Variants in ZNF385B observed in about 807,000 individuals in gnomAD.
ZNF385B encodes the protein zinc finger protein 385B, also known as zinc finger protein 533.
A neutral mutation model predicts 39.2 loss-of-function variants in ZNF385B; 23 were observed. That is an observed-to-expected ratio of 0.59 (90% CI 0.42 to 0.83). The LOEUF is 0.83. Among genes scored for constraint, ZNF385B ranks in the 40% least tolerant of loss-of-function variants. The pLI is 0.00. For synonymous variants in ZNF385B, 205 were observed against 222.6 expected, an observed-to-expected ratio of 0.92 and a Z score of 0.70; for missense variants, 552 against 598.9, an observed-to-expected ratio of 0.92 and a Z score of 0.82.
intron 5 of ZNF385B, among the ~76,000 whole-genome samples, chr2:179,503,812 A>T (rs2056979027): frequency 7.0e-6 from 1 of 142,136 alleles, no homozygotes; most frequent in East Asian, 2.1e-4. Context: ...TGAACTCATC[A>T]TTTTTTATGG....
intron 5 of ZNF385B, among the ~76,000 whole-genome samples, chr2:179,484,871 C>A (rs1171603676): frequency 6.6e-6 from 1 of 152,028 alleles, no homozygotes; most frequent in Non-Finnish European, 1.5e-5. Flanking sequence ...GCAAAGAGTA[C>A]GTTTCTAGTT....
At chr2:179,472,543 A>G (rs1297304971) in intron 6 of ZNF385B, among the ~76,000 whole-genome samples, 1 of 152,236 alleles carries the variant, frequency 6.6e-6, no homozygotes, top group Admixed American at 6.5e-5. Context: ...AAGAACTTCT[A>G]GTGTTTGATA....
chr2:179,725,594 T>G (rs1559133603), intron 3 of ZNF385B, among the ~76,000 whole-genome samples: 1 of 151,500 alleles, frequency 6.6e-6, no homozygotes, highest in African/African-American at 2.4e-5. Flanking sequence ...GTATTCATAA[T>G]GTTCTGTATT....
At chr2:179,580,820 A>G (rs184662880) in intron 3 of ZNF385B, among the ~76,000 whole-genome samples, 2 of 152,320 alleles carry the variant, frequency 1.3e-5, no homozygotes, top group Non-Finnish European at 2.9e-5. Flanking sequence ...TATAGCTGGT[A>G]TCATGTTCAT....
At chr2:179,484,447 G>A (rs2054348205) in intron 5 of ZNF385B, among the ~76,000 whole-genome samples, 1 of 152,054 alleles carries the variant, frequency 6.6e-6, no homozygotes, top group Admixed American at 6.5e-5. Context: ...TGCAAAGCAA[G>A]ATGAACTTTT....
In ZNF385B at chr2:179,443,012, G is replaced by T. The variant is rs1040767653; in HGVS notation, c.*238C>A. Reference sequence around the variant, plus strand: ...ATACACAAATTGAACGCGGTAGGGTGGGGGAGGAAGTAGGGAGATAAAGCC... The same window carrying T: ...ATACACAAATTGAACGCGGTAGGGTTGGGGAGGAAGTAGGGAGATAAAGCC... On this transcript the variant is annotated 3_prime_UTR_variant, in exon 10 of 10. Transcript: ENST00000410066. 14 of 595,686 alleles carry T rather than the reference G, an allele frequency of 2.4e-5. No homozygotes were observed. Among genetic ancestry groups the T allele is most frequent in the African/African-American group, 1.3e-4 (7 of 53,908 alleles). The allele number at this position is 595,686 out of a possible 1,614,324, so 36.9% of individuals were successfully genotyped here. A position where few individuals can be genotyped will look rare whatever the true frequency, so the allele number is the denominator to read the frequency against.
chr2:179,638,645 T>C (rs1042168686), intron 3 of ZNF385B, among the ~76,000 whole-genome samples: 11 of 152,076 alleles, frequency 7.2e-5, no homozygotes, highest in Non-Finnish European at 1.5e-4. Flanking sequence ...CATTCTATTA[T>C]CCACTGAGAG....
intron 3 of ZNF385B, among the ~76,000 whole-genome samples, chr2:179,697,683 T>C (rs557356881): frequency 1.4e-4 from 21 of 152,322 alleles, no homozygotes; most frequent in Non-Finnish European, 2.1e-4. Flanking sequence ...TTTAAGATGA[T>C]CCTAATCAAA....
intron 3 of ZNF385B, among the ~76,000 whole-genome samples, chr2:179,629,560 C>T (rs995647281): frequency 2.6e-5 from 4 of 152,042 alleles, no homozygotes; most frequent in Non-Finnish European, 5.9e-5. Context: ...GCAAGATGGC[C>T]GAAAAGGAAC....
chr2:179,669,610 GA>G (rs1695647444), intron 3 of ZNF385B, among the ~76,000 whole-genome samples: 1 of 152,000 alleles, frequency 6.6e-6, no homozygotes, highest in Non-Finnish European at 1.5e-5. Context: ...AATTGAGGGG[GA>G]AAATGAAAAA....
At chr2:179,702,358 G>A (rs751559955) in intron 3 of ZNF385B, among the ~76,000 whole-genome samples, 28 of 152,114 alleles carry the variant, frequency 1.8e-4, no homozygotes, top group East Asian at 3.9e-4. Context: ...ATTATTGTAC[G>A]TACTTTATTT....
At chr2:179,500,824 A>G (rs941138877) in intron 5 of ZNF385B, among the ~76,000 whole-genome samples, 1 of 152,188 alleles carries the variant, frequency 6.6e-6, no homozygotes, top group Non-Finnish European at 1.5e-5. Context: ...ATGGGATAAA[A>G]CATCTGCAAA....
rs76535980 is a variant in ZNF385B, at chr2:179,504,814, GAA to G, written c.552+13712_552+13713del. Among the ~76,000 whole-genome samples the G allele has an allele frequency of 1.7e-4, 23 of 137,754 alleles. 1 individual carries two copies. Among genetic ancestry groups the G allele is most frequent in the African/African-American group, 6.1e-4 (23 of 37,548 alleles). 90.4% of individuals were successfully genotyped at this position (137,754 alleles called of 152,430 possible). On this transcript the variant is annotated intron_variant, in intron 5 of 9. Coordinates refer to ENST00000410066, the MANE Select transcript of ZNF385B (RefSeq NM_152520.6). ...CCTAAAACTTAAAGTATAATTTAAA[GAA>G]AAAAAAAAAAACCAGATCTCAGGAG...
At chr2:179,493,794 C>CATATGTGTATATAT (rs1559338627) in intron 5 of ZNF385B, among the ~76,000 whole-genome samples, 1 of 97,370 alleles carries the variant, frequency 1.0e-5, no homozygotes, top group African/African-American at 3.6e-5. Flanking sequence ...CATATGTATA[C>CATATGTGTATATAT]ATATATGTAT....
chr2:179,763,000 G>A (rs1447960901), intron 3 of ZNF385B, among the ~76,000 whole-genome samples: 1 of 152,164 alleles, frequency 6.6e-6, no homozygotes, highest in Non-Finnish European at 1.5e-5. Context: ...TGCCTCCTGG[G>A]TTCCAGCGAT....
chr2:179,652,423 T>C (rs1055105985), intron 3 of ZNF385B, among the ~76,000 whole-genome samples: 6 of 152,164 alleles, frequency 3.9e-5, no homozygotes, highest in Non-Finnish European at 5.9e-5. Context: ...TTTGTGCCAA[T>C]GGATTCTGGG....
intron 3 of ZNF385B, among the ~76,000 whole-genome samples, chr2:179,672,474 T>C (rs1241572776): frequency 1.3e-5 from 2 of 152,140 alleles, no homozygotes; most frequent in African/African-American, 2.4e-5. Context: ...TGAATGTATT[T>C]TGTATGGAAG....
At chr2:179,660,154 G>A (rs990728227) in intron 3 of ZNF385B, 2 of 152,526 alleles carry the variant, frequency 1.3e-5, no homozygotes, top group African/African-American at 2.4e-5. Flanking sequence ...GGAGCTGAGA[G>A]GTACATTAAC....
intron 3 of ZNF385B, among the ~76,000 whole-genome samples, chr2:179,593,719 C>T (rs1393933710): frequency 6.6e-6 from 1 of 152,142 alleles, no homozygotes; most frequent in African/African-American, 2.4e-5. Context: ...AAAGTTCTTA[C>T]GCTTATCTAT....
Sources: gnomAD v4.1 joint callset for allele counts (sites outside exome capture counted in the v4.1 genomes callset) on GRCh38, gnomAD v4.1.1 for gene constraint, MANE v1.5 for transcripts, NCBI Gene and HGNC (gene_info 2026-07-23, HGNC 2026-07-21) for gene names.